CFAP47: variants seen among roughly 807,000 people sequenced by gnomAD.
The protein encoded by CFAP47 is cilia- and flagella-associated protein 47.
A neutral mutation model predicts 148.1 loss-of-function variants in CFAP47; 29 were observed. That is an observed-to-expected ratio of 0.20 (90% CI 0.15 to 0.27). CFAP47 has a LOEUF of 0.27. Ranked by LOEUF, CFAP47 falls within the 10% of genes least tolerant of loss-of-function variation. The pLI, the probability that CFAP47 is intolerant of heterozygous loss-of-function variation, is 1.00. For synonymous variants in CFAP47, 664 were observed against 577.3 expected, an observed-to-expected ratio of 1.15 and a Z score of -2.15; for missense variants, 1,872 against 1,697.5, an observed-to-expected ratio of 1.10 and a Z score of -1.81.
At chrX:35,942,014 A>ATG (rs1220603215) in intron 3 of CFAP47, among the ~76,000 whole-genome samples, 15 of 96,454 alleles carry the variant, frequency 1.6e-4, no homozygotes, top group Non-Finnish European at 2.6e-4. Flanking sequence ...TTACATAAGG[A>ATG]TGTGTGTGTG....
chrX:36,285,599 T>C, intron 50 of CFAP47, 30 bp from the exon 51 acceptor site: 2 of 604,557 alleles, frequency 3.3e-6, no homozygotes, highest in East Asian at 3.6e-5. Context: ...CTGAAGTCTA[T>C]ATTAAAAAGT....
intron 49 of CFAP47, among the ~76,000 whole-genome samples, chrX:36,259,950 TG>T (rs1940798065): frequency 1.8e-5 from 2 of 111,466 alleles, no homozygotes; most frequent in Non-Finnish European, 3.8e-5. Flanking sequence ...CATTTGTAAG[TG>T]AGAACATGTG....
chrX:36,275,877 G>T (rs1941010906), intron 49 of CFAP47, among the ~76,000 whole-genome samples: 1 of 110,843 alleles, frequency 9.0e-6, no homozygotes, highest in Non-Finnish European at 1.9e-5. Flanking sequence ...TCACAGTTTT[G>T]TATCTATGCA....
At chrX:36,231,933 T>C (rs1472025825) in intron 46 of CFAP47, among the ~76,000 whole-genome samples, 2 of 111,822 alleles carry the variant, frequency 1.8e-5, no homozygotes, top group African/African-American at 3.3e-5. Flanking sequence ...TTGCGTATAT[T>C]GAACCAGCCT....
chrX:36,217,873 A>G (rs1396654980), intron 45 of CFAP47, among the ~76,000 whole-genome samples: 5 of 111,925 alleles, frequency 4.5e-5, no homozygotes, highest in African/African-American at 6.5e-5. Context: ...TCATTGCTTT[A>G]TATTTATAGA....
chrX:36,154,591 A>G (rs1171773141), intron 37 of CFAP47, among the ~76,000 whole-genome samples: 1 of 111,954 alleles, frequency 8.9e-6, no homozygotes, highest in Non-Finnish European at 1.9e-5. Context: ...AGCTTTCTCT[A>G]CAGCTTTATT....
intron 61 of CFAP47, among the ~76,000 whole-genome samples, chrX:36,362,530 C>T (rs1045621605): frequency 1.2e-4 from 14 of 112,639 alleles, no homozygotes; most frequent in South Asian, 7.2e-4. Context: ...TTCATGGCTG[C>T]ATATTATTCC....
chrX:36,213,851 A>G (rs782292614), intron 45 of CFAP47, among the ~76,000 whole-genome samples: 62 of 112,229 alleles, frequency 5.5e-4, no homozygotes, highest in Admixed American at 1.5e-3. Context: ...TTAAATACGA[A>G]TACTTTATTT....
rs1269706061 is a variant in CFAP47 at position 36,310,930 on chromosome X, T to C, written c.8285T>C (p.Ile2762Thr). 1.8e-6 allele frequency: 2 copies of C among 1,141,733 alleles called. No individual in the cohort carries two copies. The highest frequency in any genetic ancestry group is 6.6e-5 in the East Asian group (2 of 30,258). 94.1% of individuals were successfully genotyped at this position (1,141,733 alleles called of 1,213,427 possible). A position where few individuals can be genotyped will look rare whatever the true frequency, so the allele number is the denominator to read the frequency against. The change falls in exon 56 of 64, where the codon ATT becomes ACT. Residue 2762 changes from isoleucine (I) to threonine (T), a missense_variant. Physicochemically the swap from Ile to Thr is moderately conservative, Grantham distance 89 (BLOSUM62 -1). Coordinates refer to ENST00000378653, the MANE Select transcript of CFAP47 (RefSeq NM_001304548.2). Reference sequence around the variant, plus strand: ...ACACGCATTGGTCTTCAGTCAACTATTGTTATACCTTTCAAAAATCCCACA... The same window carrying C: ...ACACGCATTGGTCTTCAGTCAACTACTGTTATACCTTTCAAAAATCCCACA... ...ITTRIGLQST[I>T]VIPFKNPTME...
At chrX:36,268,018 T>C (rs1174629144) in intron 49 of CFAP47, among the ~76,000 whole-genome samples, 2 of 113,121 alleles carry the variant, frequency 1.8e-5, no homozygotes, top group Non-Finnish European at 3.7e-5. Context: ...AAAATCAAGA[T>C]GAGTATTAAT....
intron 62 of CFAP47, among the ~76,000 whole-genome samples, chrX:36,375,819 GTGGTGACATGCA>G (rs1942017732): frequency 8.9e-6 from 1 of 112,303 alleles, no homozygotes; most frequent in African/African-American, 3.2e-5. Flanking sequence ...TGTTCTAAGT[GTGGTGACATGCA>G]GTAGCTTCAG....
At chrX:36,247,901 ATT>A (rs1940637051) in intron 48 of CFAP47, among the ~76,000 whole-genome samples, 1 of 111,003 alleles carries the variant, frequency 9.0e-6, no homozygotes, top group African/African-American at 3.3e-5. Context: ...GGCTGCTTAT[ATT>A]AGACCCATTT....
chrX:36,220,765 C>G (rs782788787), intron 45 of CFAP47, among the ~76,000 whole-genome samples: 3 of 110,975 alleles, frequency 2.7e-5, no homozygotes, highest in African/African-American at 9.8e-5. Flanking sequence ...TAAATTTACA[C>G]GTAGATAGAT....
intron 49 of CFAP47, among the ~76,000 whole-genome samples, chrX:36,278,735 A>G (rs1359831611): frequency 2.7e-5 from 3 of 112,579 alleles, no homozygotes; most frequent in Non-Finnish European, 3.8e-5. Context: ...ACAGACCCCA[A>G]ATGTATAATT....
At chrX:36,141,446 C>T (rs1358129971) in intron 35 of CFAP47, among the ~76,000 whole-genome samples, 1 of 111,490 alleles carries the variant, frequency 9.0e-6, no homozygotes, top group Non-Finnish European at 1.9e-5. Flanking sequence ...GTCCCAGCCC[C>T]AGCTGATTGG....
At chrX:36,142,132 C>A (rs1473695493) in intron 35 of CFAP47, among the ~76,000 whole-genome samples, 1 of 111,812 alleles carries the variant, frequency 8.9e-6, no homozygotes, top group Non-Finnish European at 1.9e-5. Context: ...TATAGTATAT[C>A]ATTATGTACT....
At chrX:36,032,352 A>G (rs1169898205) in intron 23 of CFAP47, among the ~76,000 whole-genome samples, 1 of 110,509 alleles carries the variant, frequency 9.0e-6, no homozygotes, top group Admixed American at 9.7e-5. Context: ...CTTCCCATGA[A>G]TGATATTTGC....
intron 48 of CFAP47, among the ~76,000 whole-genome samples, chrX:36,239,080 A>G (rs1235738925): frequency 2.7e-5 from 3 of 112,445 alleles, no homozygotes; most frequent in Non-Finnish European, 5.6e-5. Flanking sequence ...TTTAACATGA[A>G]AGAGAAACTA....
rs760668104 is a variant in CFAP47, at chrX:36,183,009, AT to A, written c.6104+3588del. 1.6e-4 allele frequency among the ~76,000 whole-genome samples: 18 copies of A among 112,513 alleles called. No individual in the cohort carries two copies. The South Asian group carries it at 6.6e-3, about 41-fold the overall frequency. On this transcript the variant is annotated intron_variant, in intron 40 of 63. Coordinates refer to ENST00000378653, the MANE Select transcript of CFAP47 (RefSeq NM_001304548.2). Reference sequence around the variant, plus strand: ...CCTGCCACAACTATCGTTGAAACACATATAGAAAGGAGCCTCCTGATCAGGC... The same window carrying A: ...CCTGCCACAACTATCGTTGAAACACAATAGAAAGGAGCCTCCTGATCAGGC...
Sources: gnomAD v4.1 joint callset for allele counts (sites outside exome capture counted in the v4.1 genomes callset) on GRCh38, gnomAD v4.1.1 for gene constraint, MANE v1.5 for transcripts, NCBI Gene and HGNC (gene_info 2026-07-23, HGNC 2026-07-21) for gene names.